The following UTRN variants were observed in gnomAD, a reference collection of about 807,000 sequenced individuals.
The protein encoded by UTRN is utrophin.
In UTRN, 283 loss-of-function variants were observed where a neutral mutation model predicts 463.9. The ratio of observed to expected loss-of-function variants is 0.61; its 90% CI spans 0.55 to 0.67. The LOEUF (loss-of-function observed/expected upper bound fraction) is 0.67. UTRN is among the 30% of genes least tolerant of loss of function. The pLI is 0.00. For missense variants in UTRN, 3,922 were observed against 4,084.3 expected (o/e 0.96, Z 1.08); for synonymous variants, 1,442 against 1,431.5 (o/e 1.01, Z -0.17).
In UTRN at chr6:144,718,915, G is replaced by A. The variant is rs9403590; in HGVS notation, c.7810-11442G>A. On this transcript the variant is annotated intron_variant, in intron 53 of 74. Transcript: ENST00000367545. ...TGGTGGTGCAGGTGGCACTGGAGCC[G>A]GATCCCTGAAGGGTCAAAAGGGGTG... Among the ~76,000 whole-genome samples, 468 of 152,258 alleles carry A rather than the reference G, an allele frequency of 3.1e-3. 14 individuals carry two copies. In the East Asian group the frequency reaches 0.064, roughly 21 times the overall value.
chr6:144,310,831 A>G (rs571404628), intron 2 of UTRN, among the ~76,000 whole-genome samples: 2 of 152,386 alleles, frequency 1.3e-5, no homozygotes, highest in African/African-American at 4.8e-5. Context: ...TGAGAAAAAT[A>G]TCAGTTCAAT....
At chr6:144,408,316 C>T (rs1244362741) in intron 3 of UTRN, among the ~76,000 whole-genome samples, 8 of 152,292 alleles carry the variant, frequency 5.3e-5, no homozygotes, top group African/African-American at 1.9e-4. Flanking sequence ...GTTAGCCGGC[C>T]GGTCTCCCAA....
intron 14 of UTRN, among the ~76,000 whole-genome samples, chr6:144,445,897 G>T (rs1481588549): frequency 6.6e-6 from 1 of 151,942 alleles, no homozygotes; most frequent in Non-Finnish European, 1.5e-5. Context: ...CCTGCAGTGG[G>T]CACCTGTAAT....
chr6:144,456,966 A>G (rs1229982112), intron 19 of UTRN, among the ~76,000 whole-genome samples: 1 of 152,170 alleles, frequency 6.6e-6, no homozygotes, highest in Non-Finnish European at 1.5e-5. Flanking sequence ...ACTGAGTGGC[A>G]GGAATGTGTT....
chr6:144,830,729 G>GTTTTTTGTT (rs147360517), intron 69 of UTRN, among the ~76,000 whole-genome samples: 1 of 140,878 alleles, frequency 7.1e-6, no homozygotes, highest in African/African-American at 2.6e-5. Context: ...TTTGTTTTTT[G>GTTTTTTGTT]TTTTTTTTTT....
intron 51 of UTRN, among the ~76,000 whole-genome samples, chr6:144,665,274 G>A (rs1245417745): frequency 6.6e-6 from 1 of 152,100 alleles, no homozygotes; most frequent in African/African-American, 2.4e-5. Context: ...TCTGTTTCCT[G>A]TCAGAGATTT....
At chr6:144,568,451 T>C (rs1800624878) in intron 50 of UTRN, among the ~76,000 whole-genome samples, 1 of 152,196 alleles carries the variant, frequency 6.6e-6, no homozygotes, top group Non-Finnish European at 1.5e-5. Context: ...TATCTCGTTA[T>C]TTTTCTCAAT....
intron 2 of UTRN, among the ~76,000 whole-genome samples, chr6:144,353,385 A>T (rs1454052638): frequency 6.7e-6 from 1 of 149,626 alleles, no homozygotes; most frequent in African/African-American, 2.5e-5. Context: ...AAGTGCTGGG[A>T]TTTTAGGCGT....
chr6:144,433,453 C>T (rs1786137456), intron 9 of UTRN, among the ~76,000 whole-genome samples: 1 of 151,950 alleles, frequency 6.6e-6, no homozygotes, highest in African/African-American at 2.4e-5. Context: ...GGAGGGGCTC[C>T]TCACTTCTCA....
chr6:144,505,874 T>C (rs1012574559), intron 34 of UTRN, among the ~76,000 whole-genome samples: 1 of 152,266 alleles, frequency 6.6e-6, no homozygotes, highest in South Asian at 2.1e-4. Context: ...CCCCCTATTA[T>C]TGTGTGGAAG....
chr6:144,636,694 C>T (rs557877135), intron 51 of UTRN, among the ~76,000 whole-genome samples: 2 of 152,304 alleles, frequency 1.3e-5, no homozygotes, highest in Admixed American at 1.3e-4. Context: ...TAATAGTCAT[C>T]TTTATAGCTC....
chr6:144,699,842 C>T (rs1586091162), intron 52 of UTRN, among the ~76,000 whole-genome samples: 1 of 148,190 alleles, frequency 6.7e-6, no homozygotes, highest in African/African-American at 2.5e-5. Context: ...TGTGTGTATA[C>T]ATATGTATAA....
intron 50 of UTRN, among the ~76,000 whole-genome samples, chr6:144,568,520 T>C (rs9497007): frequency 0.025 from 3,767 of 152,286 alleles, 161 homozygotes; most frequent in African/African-American, 0.084. Flanking sequence ...CTGCCAAATA[T>C]GAAATCTACA....
intron 2 of UTRN, among the ~76,000 whole-genome samples, chr6:144,295,875 A>G (rs982040600): frequency 1.3e-5 from 2 of 152,150 alleles, no homozygotes; most frequent in African/African-American, 2.4e-5. Context: ...TATTTCTCCA[A>G]AGGCCCAGTG....
intron 14 of UTRN, 21 bp downstream of exon 14, chr6:144,444,403 AG>A (rs1429200980): frequency 6.3e-7 from 1 of 1,580,922 alleles, no homozygotes; most frequent in East Asian, 2.3e-5. Flanking sequence ...GTTTTCCATA[AG>A]GGGCAAAATA....
chr6:144,598,343 T>G (rs980913906), intron 51 of UTRN, among the ~76,000 whole-genome samples: 1 of 152,220 alleles, frequency 6.6e-6, no homozygotes, highest in African/African-American at 2.4e-5. Context: ...GGCAGTTGGT[T>G]GAAAGAGTTC....
chr6:144,636,474 C>A (rs1474407065), intron 51 of UTRN, among the ~76,000 whole-genome samples: 1 of 152,060 alleles, frequency 6.6e-6, no homozygotes, highest in African/African-American at 2.4e-5. Flanking sequence ...AGCAAACCGC[C>A]ATGACATGTG....
intron 51 of UTRN, among the ~76,000 whole-genome samples, chr6:144,662,360 A>G (rs1432524746): frequency 6.6e-6 from 1 of 152,250 alleles, no homozygotes; most frequent in Non-Finnish European, 1.5e-5. Flanking sequence ...CAAAGCAATA[A>G]TGCCATTTCT....
chr6:144,370,336 C>T (rs1490046797), intron 2 of UTRN, among the ~76,000 whole-genome samples: 1 of 152,182 alleles, frequency 6.6e-6, no homozygotes, highest in Non-Finnish European at 1.5e-5. Flanking sequence ...CTACAAGGGG[C>T]CAACGTATAG....
Sources: allele counts gnomAD v4.1 joint callset (sites outside exome capture counted in the v4.1 genomes callset), GRCh38; gene constraint gnomAD v4.1.1; transcripts MANE v1.5; gene names NCBI Gene and HGNC (gene_info 2026-07-23, HGNC 2026-07-21).